Variants in C2orf74 observed in about 807,000 individuals in gnomAD.
C2orf74 encodes the protein uncharacterized protein C2orf74.
A neutral mutation model predicts 17.9 loss-of-function variants in C2orf74; 14 were observed. The observed-to-expected ratio is 0.78, with a 90% confidence interval of 0.52 to 1.22. The LOEUF (loss-of-function observed/expected upper bound fraction) is 1.22. Among genes scored for constraint, C2orf74 ranks in the 50% most tolerant of loss-of-function variants. The probability of loss-of-function intolerance (pLI) is 0.00; values close to 1 mark genes in which losing one functional copy is unlikely to be tolerated. For synonymous variants in C2orf74, 79 were observed against 72.6 expected (o/e 1.09, Z -0.44); for missense variants, 217 against 218.4 (o/e 0.99, Z 0.04).
upstream of C2orf74, among the ~76,000 whole-genome samples, chr2:61,160,359 C>T (rs1005046780): frequency 2.0e-5 from 3 of 152,146 alleles, no homozygotes; most frequent in Admixed American, 2.0e-4. Flanking sequence ...TGGGGTTTCA[C>T]CATGTTGGCC....
At chr2:61,161,392 G>A (rs1052327590), upstream of C2orf74, among the ~76,000 whole-genome samples, 1 of 152,142 alleles carries the variant, frequency 6.6e-6, no homozygotes, top group Non-Finnish European at 1.5e-5. Flanking sequence ...ATTATGTTGA[G>A]GTAGTTTACT....
chr2:61,162,756 T>A (rs980445540), intron 2 of C2orf74, 86 bp from the exon 3 acceptor site: 6 of 1,167,706 alleles, frequency 5.1e-6, no homozygotes, highest in Non-Finnish European at 7.5e-6. Context: ...AATGCTGATA[T>A]CCTGTTTAAA....
At position 61,162,972 on chromosome 2, in the gene C2orf74, A is replaced by G. The variant is rs1405574759; in HGVS notation, c.209+17A>G. 13 of 1,552,082 alleles carry G rather than the reference A, an allele frequency of 8.4e-6. No homozygotes were observed. Among genetic ancestry groups the G allele is most frequent in the Middle Eastern group, 1.7e-4 (1 of 6,020 alleles). ...CCATGAAAGGCGAGTGTGGTGCAGG[A>G]TGTGGCAGAGGCCATTTTGTGTTTG... is the stretch of plus-strand genomic sequence containing the variant. On this transcript the variant is annotated intron_variant, in intron 3 of 4. Transcript: ENST00000432605.
chr2:61,162,036 G>A (rs749476132), upstream of C2orf74: 52 of 159,928 alleles, frequency 3.3e-4, no homozygotes, highest in Non-Finnish European at 1.7e-4. Context: ...AGAAGAGGGG[G>A]ACGAACAGGC....
intron 1 of C2orf74, among the ~76,000 whole-genome samples, chr2:61,145,664 C>A (rs891335271): frequency 6.6e-6 from 1 of 152,144 alleles, no homozygotes; most frequent in South Asian, 2.1e-4. Flanking sequence ...CTCAGGTTAT[C>A]GGCCTGCCTC....
At chr2:61,155,935 A>G (rs1463963639) in intron 1 of C2orf74, among the ~76,000 whole-genome samples, 1 of 152,074 alleles carries the variant, frequency 6.6e-6, no homozygotes, top group Non-Finnish European at 1.5e-5. Flanking sequence ...GTGGTGGTTC[A>G]TGCCTGTAAT....
At chr2:61,159,760 C>G (rs916671024), upstream of C2orf74, among the ~76,000 whole-genome samples, 2 of 152,236 alleles carry the variant, frequency 1.3e-5, no homozygotes, top group Admixed American at 6.5e-5. Flanking sequence ...TACCTGGCCA[C>G]TTTACAGACA....
At position 61,163,127 on chromosome 2, in the gene C2orf74, G is replaced by A. The variant is rs766123873; in HGVS notation, c.285G>A (p.Val95=). 11 of 1,552,228 alleles carry A rather than the reference G, an allele frequency of 7.1e-6. No individual in the cohort carries two copies. Among genetic ancestry groups the A allele is most frequent in the Admixed American group, 2.0e-5 (1 of 51,010 alleles). Residue 95 remains valine, a synonymous_variant, in exon 4 of 5, where the codon GTG becomes GTA. Coordinates refer to ENST00000432605, the MANE Select transcript of C2orf74 (RefSeq NM_001143959.4). ...TTGTCCAGAGACAGAGTAAGGAAGT[G>A]TTGGCCACACCCTTAGAAAACAGAA... The part of the protein sequence containing the change: ...GILVQRQSKE[V]LATPLENRRD...
At chr2:61,155,049 A>C (rs1484324337) in intron 1 of C2orf74, among the ~76,000 whole-genome samples, 2 of 152,202 alleles carry the variant, frequency 1.3e-5, no homozygotes, top group African/African-American at 4.8e-5. Context: ...TGGGCAACAC[A>C]TTGAGACTCT....
intron 1 of C2orf74, among the ~76,000 whole-genome samples, chr2:61,145,363 GTAGT>G (rs1386168889): frequency 2.0e-5 from 3 of 152,176 alleles, no homozygotes; most frequent in Non-Finnish European, 4.4e-5. Context: ...CAGAAAAATA[GTAGT>G]TAAAAATAGA....
At chr2:61,145,716 C>T (rs1685050366) in intron 1 of C2orf74, among the ~76,000 whole-genome samples, 1 of 152,164 alleles carries the variant, frequency 6.6e-6, no homozygotes, top group South Asian at 2.1e-4. Context: ...AGCCACCGCG[C>T]CCGGCCTGTT....
chr2:61,154,393 T>C (rs2592494), intron 1 of C2orf74, among the ~76,000 whole-genome samples: 62,325 of 151,936 alleles, frequency 0.41, 12,958 homozygotes, highest in Middle Eastern at 0.5. Context: ...TAAGGAGACA[T>C]GATTTAATTG....
At chr2:61,158,542 G>A (rs1408954509), upstream of C2orf74, among the ~76,000 whole-genome samples, 1 of 152,232 alleles carries the variant, frequency 6.6e-6, no homozygotes, top group Admixed American at 6.5e-5. Flanking sequence ...TGCTCAGAAA[G>A]CCAATCACTG....
In C2orf74 at chr2:61,163,183, T is replaced by G. The variant is rs1685620141; in HGVS notation, c.341T>G (p.Ile114Arg). 1.3e-6 allele frequency: 2 copies of G among 1,552,274 alleles called. No homozygotes were observed. The change falls in exon 4 of 5, where the codon ATA becomes AGA. Residue 114 changes from isoleucine to arginine, a missense_variant. Ile to Arg is a moderately conservative substitution (Grantham distance 97, BLOSUM62 -3). Transcript: ENST00000432605. The part of the protein sequence containing the change: ...RDMEAEEENQ[I>R]NEKQEPENAG... The stretch of plus-strand genomic sequence containing the variant: ...ATGGAGGCAGAAGAGGAGAACCAAA[T>G]AAATGAGAAGCAAGAGCCTGAGAAT...
intron 1 of C2orf74, among the ~76,000 whole-genome samples, chr2:61,153,228 A>G (rs1005763408): frequency 1.4e-4 from 21 of 152,114 alleles, no homozygotes; most frequent in African/African-American, 4.8e-4. Context: ...GAGAGGAGGA[A>G]GACAATTTAA....
chr2:61,156,160 C>A (rs1685385452), intron 1 of C2orf74, among the ~76,000 whole-genome samples: 1 of 152,172 alleles, frequency 6.6e-6, no homozygotes, highest in African/African-American at 2.4e-5. Context: ...GATTGCACTA[C>A]TGCACTCTAG....
chr2:61,161,834 C>G (rs1397540091), upstream of C2orf74: 1 of 152,090 alleles, frequency 6.6e-6, no homozygotes, highest in African/African-American at 2.4e-5. Flanking sequence ...CACAGTGAAG[C>G]CTTGAGCTCA....
intron 1 of C2orf74, among the ~76,000 whole-genome samples, chr2:61,148,820 G>A (rs774621345): frequency 5.9e-5 from 9 of 151,554 alleles, no homozygotes; most frequent in Non-Finnish European, 7.4e-5. Flanking sequence ...AGGTTTAAGC[G>A]ATTCTCCTGC....
intron 1 of C2orf74, among the ~76,000 whole-genome samples, chr2:61,145,378 C>A (rs1038761522): frequency 6.6e-6 from 1 of 152,086 alleles, no homozygotes; most frequent in African/African-American, 2.4e-5. Flanking sequence ...TAAAAATAGA[C>A]TTTAAATATA....
Sources: gnomAD v4.1 joint callset for allele counts (sites outside exome capture counted in the v4.1 genomes callset) on GRCh38, gnomAD v4.1.1 for gene constraint, MANE v1.5 for transcripts, NCBI Gene and HGNC (gene_info 2026-07-23, HGNC 2026-07-21) for gene names.